The following THSD4 variants were observed in gnomAD, a reference collection of about 807,000 sequenced individuals.
THSD4 encodes the protein thrombospondin type-1 domain-containing protein 4.
A neutral mutation model predicts 119.0 loss-of-function variants in THSD4; 69 were observed. That is an observed-to-expected ratio of 0.58 (90% CI 0.48 to 0.71). The LOEUF (loss-of-function observed/expected upper bound fraction) is 0.71, where lower values mean the gene tolerates loss of function less well. THSD4 is among the 30% of genes least tolerant of loss of function. The pLI is 0.00. For synonymous variants in THSD4, 524 were observed against 540.4 expected (o/e 0.97, Z 0.42); for missense variants, 1,393 against 1,391.1 (o/e 1.00, Z -0.02).
chr15:71,404,896 G>T (rs7169579), intron 6 of THSD4, among the ~76,000 whole-genome samples: 105,078 of 150,632 alleles, frequency 0.7, 37,363 homozygotes, highest in East Asian at 0.83. Flanking sequence ...TCTTTTCTTT[G>T]CTTTTCTTTT....
intron 6 of THSD4, among the ~76,000 whole-genome samples, chr15:71,279,655 G>C (rs1460983439): frequency 6.6e-6 from 1 of 152,146 alleles, no homozygotes; most frequent in Non-Finnish European, 1.5e-5. Context: ...GTCTGAATCA[G>C]CTAGTGGAGT....
intron 6 of THSD4, among the ~76,000 whole-genome samples, chr15:71,277,250 C>T (rs908583323): frequency 4.0e-5 from 6 of 151,136 alleles, no homozygotes; most frequent in Non-Finnish European, 8.8e-5. Flanking sequence ...CTCAGCCTCC[C>T]GAGGAGCTGG....
At chr15:71,737,077 C>T (rs1379568827) in intron 10 of THSD4, among the ~76,000 whole-genome samples, 2 of 152,220 alleles carry the variant, frequency 1.3e-5, no homozygotes, top group African/African-American at 2.4e-5. Context: ...GTACTTGTAG[C>T]ATAACGTAGT....
intron 6 of THSD4, among the ~76,000 whole-genome samples, chr15:71,261,038 G>A (rs1051239449): frequency 6.6e-6 from 1 of 152,206 alleles, no homozygotes; most frequent in Non-Finnish European, 1.5e-5. Context: ...GGAGGCAGAG[G>A]TTGCGGTGAG....
chr15:71,669,499 CT>C (rs201706989), intron 8 of THSD4, among the ~76,000 whole-genome samples: 6 of 151,032 alleles, frequency 4.0e-5, no homozygotes, highest in African/African-American at 9.7e-5. Flanking sequence ...CAATTCTGTC[CT>C]TTTTTTTTGT....
At chr15:71,401,619 T>A (rs1357618528) in intron 6 of THSD4, among the ~76,000 whole-genome samples, 1 of 152,202 alleles carries the variant, frequency 6.6e-6, no homozygotes, top group East Asian at 1.9e-4. Flanking sequence ...CTAGAGAGGA[T>A]GTGGAGAAAT....
chr15:71,608,247 T>TACAC (rs1331902315), intron 7 of THSD4, among the ~76,000 whole-genome samples: 41 of 71,714 alleles, frequency 5.7e-4, no homozygotes, highest in South Asian at 5.2e-3. Flanking sequence ...AATATATATA[T>TACAC]ATACACACAC....
intron 6 of THSD4, among the ~76,000 whole-genome samples, chr15:71,269,420 C>T (rs1357365851): frequency 6.6e-6 from 1 of 152,138 alleles, no homozygotes; most frequent in Non-Finnish European, 1.5e-5. Context: ...TAAAAACTCT[C>T]AATAAACTAG....
chr15:71,613,194 A>T, intron 7 of THSD4, among the ~76,000 whole-genome samples: 1 of 152,092 alleles, frequency 6.6e-6, no homozygotes, highest in East Asian at 1.9e-4. Flanking sequence ...TTGCATGGGA[A>T]GAGTTTTATA....
At chr15:71,138,460 T>A (rs2040570614) in intron 1 of THSD4, among the ~76,000 whole-genome samples, 1 of 152,226 alleles carries the variant, frequency 6.6e-6, no homozygotes, top group Non-Finnish European at 1.5e-5. Context: ...TTGCTCCTTC[T>A]GTCCCCCAGA....
At chr15:71,638,310 A>G (rs762907432) in intron 7 of THSD4, among the ~76,000 whole-genome samples, 1 of 152,170 alleles carries the variant, frequency 6.6e-6, no homozygotes, top group Non-Finnish European at 1.5e-5. Flanking sequence ...GGTCATTTGG[A>G]TATTTGTGGG....
At chr15:71,691,626 T>C (rs571074903) in intron 8 of THSD4, among the ~76,000 whole-genome samples, 2 of 152,278 alleles carry the variant, frequency 1.3e-5, no homozygotes, top group Non-Finnish European at 2.9e-5. Context: ...AATGTACTCC[T>C]GGTTGATTAC....
At chr15:71,172,630 A>AACATAGGCAAAT in intron 3 of THSD4, among the ~76,000 whole-genome samples, 1 of 91,162 alleles carries the variant, frequency 1.1e-5, no homozygotes, top group Non-Finnish European at 2.5e-5. Flanking sequence ...TATTGGTGTA[A>AACATAGGCAAAT]AGATAGGCAA....
chr15:71,294,416 G>A (rs779409592), intron 6 of THSD4, among the ~76,000 whole-genome samples: 3 of 152,062 alleles, frequency 2.0e-5, no homozygotes, highest in Admixed American at 6.6e-5. Flanking sequence ...TCTTACCTTC[G>A]CCCTCTGCCA....
intron 6 of THSD4, among the ~76,000 whole-genome samples, chr15:71,323,619 G>A (rs796821329): frequency 6.6e-6 from 1 of 152,128 alleles, no homozygotes; most frequent in African/African-American, 2.4e-5. Context: ...TGGGTGTCCC[G>A]AGGTGGCAAG....
At chr15:71,535,618 C>A (rs529552070) in intron 7 of THSD4, among the ~76,000 whole-genome samples, 12 of 152,292 alleles carry the variant, frequency 7.9e-5, no homozygotes, top group African/African-American at 2.9e-4. Flanking sequence ...TATCCACACC[C>A]TTGCCAACAT....
At chr15:71,258,335 C>T (rs376050999) in intron 6 of THSD4, among the ~76,000 whole-genome samples, 1 of 152,074 alleles carries the variant, frequency 6.6e-6, no homozygotes, top group Admixed American at 6.5e-5. Context: ...TGCAACACTA[C>T]GCCTGGCTAA....
chr15:71,430,156 G>T (rs918779319), intron 7 of THSD4, among the ~76,000 whole-genome samples: 1 of 152,114 alleles, frequency 6.6e-6, no homozygotes, highest in South Asian at 2.1e-4. Context: ...TAGGAAAAAA[G>T]AAATTTTAAT....
intron 6 of THSD4, among the ~76,000 whole-genome samples, chr15:71,371,023 C>A (rs1404835261): frequency 1.3e-5 from 2 of 152,152 alleles, no homozygotes; most frequent in Non-Finnish European, 2.9e-5. Flanking sequence ...GATCCCTTTA[C>A]CATTATGTAA....
Sources: gnomAD v4.1 joint callset for allele counts (sites outside exome capture counted in the v4.1 genomes callset) on GRCh38, gnomAD v4.1.1 for gene constraint, MANE v1.5 for transcripts, NCBI Gene and HGNC (gene_info 2026-07-23, HGNC 2026-07-21) for gene names.